FOXP2: variants seen among roughly 807,000 people sequenced by gnomAD.
The protein encoded by FOXP2 is forkhead box protein P2.
In FOXP2, 12 loss-of-function variants were observed where a neutral mutation model predicts 115.8. The ratio of observed to expected loss-of-function variants is 0.10; its 90% CI spans 0.07 to 0.17. FOXP2 has a LOEUF of 0.17. Among genes scored for constraint, FOXP2 ranks in the 10% least tolerant of loss-of-function variants. The pLI, the probability that FOXP2 is intolerant of heterozygous loss-of-function variation, is 1.00. For synonymous variants in FOXP2, 328 were observed against 297.7 expected (o/e 1.10, Z -1.05); for missense variants, 629 against 843.5 (o/e 0.75, Z 3.15).
intron 1 of FOXP2, among the ~76,000 whole-genome samples, chr7:114,217,019 G>A (rs2129162914): frequency 6.6e-6 from 1 of 152,184 alleles, no homozygotes; most frequent in African/African-American, 2.4e-5. Context: ...CATGATTATG[G>A]TTTGAGTGTT....
intron 1 of FOXP2, among the ~76,000 whole-genome samples, chr7:114,262,388 C>T (rs1280907739): frequency 6.6e-6 from 1 of 151,964 alleles, no homozygotes; most frequent in Non-Finnish European, 1.5e-5. Flanking sequence ...CACATCATTG[C>T]ACTCCAGCCT....
intron 14 of FOXP2, among the ~76,000 whole-genome samples, chr7:114,662,798 A>G (rs1469342626): frequency 1.3e-5 from 2 of 152,102 alleles, no homozygotes; most frequent in Non-Finnish European, 2.9e-5. Context: ...TTTATAGAGA[A>G]CAAGACTGCC....
At chr7:114,430,269 A>G (rs1470004880) in intron 2 of FOXP2, among the ~76,000 whole-genome samples, 1 of 151,810 alleles carries the variant, frequency 6.6e-6, no homozygotes, top group Non-Finnish European at 1.5e-5. Context: ...AAATGAATTT[A>G]CAAAGTATAA....
intron 10 of FOXP2, among the ~76,000 whole-genome samples, chr7:114,654,391 G>A (rs973281440): frequency 6.6e-6 from 1 of 152,072 alleles, no homozygotes; most frequent in Non-Finnish European, 1.5e-5. Context: ...TGCTGAAGAA[G>A]GCAGATCAAT....
chr7:114,480,963 T>C (rs2129237342), intron 2 of FOXP2, among the ~76,000 whole-genome samples: 1 of 151,352 alleles, frequency 6.6e-6, no homozygotes, highest in East Asian at 1.9e-4. Context: ...GGATAATGAA[T>C]GTGGTTTAAA....
At chr7:114,432,506 AG>A in intron 2 of FOXP2, among the ~76,000 whole-genome samples, 1 of 152,010 alleles carries the variant, frequency 6.6e-6, no homozygotes. Context: ...AGTACTGTTA[AG>A]GGTTTAAAAA....
chr7:114,318,710 C>CATATATATATAT (rs144291161), intron 2 of FOXP2, among the ~76,000 whole-genome samples: 2 of 147,372 alleles, frequency 1.4e-5, no homozygotes, highest in African/African-American at 5.0e-5. Flanking sequence ...TTAGATAATT[C>CATATATATATAT]ATATATATAT....
chr7:114,374,881 G>A (rs780242347), intron 2 of FOXP2, among the ~76,000 whole-genome samples: 6 of 152,154 alleles, frequency 3.9e-5, no homozygotes, highest in Non-Finnish European at 8.8e-5. Flanking sequence ...AGCAAGTGCT[G>A]TAGAAGTTCA....
At chr7:114,332,791 A>C (rs2129183181) in intron 2 of FOXP2, among the ~76,000 whole-genome samples, 1 of 152,286 alleles carries the variant, frequency 6.6e-6, no homozygotes, top group Middle Eastern at 3.4e-3. Context: ...ATCAGGAATA[A>C]GTTTAAAAGA....
intron 1 of FOXP2, among the ~76,000 whole-genome samples, chr7:114,233,767 C>A (rs1020876377): frequency 3.3e-5 from 5 of 152,190 alleles, no homozygotes; most frequent in Admixed American, 3.3e-4. Context: ...AATCCCAACA[C>A]TTTGGGTGGC....
chr7:114,491,343 C>T (rs1281389912), intron 2 of FOXP2, among the ~76,000 whole-genome samples: 28 of 151,674 alleles, frequency 1.8e-4, no homozygotes, highest in Admixed American at 4.6e-4. Context: ...ACCCACTTTT[C>T]GATGGGGTTG....
At chr7:114,628,492 A>G in intron 3 of FOXP2, 48 bp from the exon 4 acceptor site, 1 of 1,611,920 alleles carries the variant, frequency 6.2e-7, no homozygotes, top group Non-Finnish European at 8.5e-7. Context: ...ATTAACAGAT[A>G]TTTGGTTATG....
chr7:114,121,379 G>A (rs992939162), intron 1 of FOXP2, among the ~76,000 whole-genome samples: 1 of 152,080 alleles, frequency 6.6e-6, no homozygotes, highest in African/African-American at 2.4e-5. Context: ...TCAGCCACCA[G>A]TCTATGGTAC....
At chr7:114,494,406 A>G (rs775331140) in intron 2 of FOXP2, among the ~76,000 whole-genome samples, 7 of 152,212 alleles carry the variant, frequency 4.6e-5, no homozygotes, top group Middle Eastern at 3.4e-3. Context: ...CTGGCCTCCC[A>G]AATCCTAGGC....
At chr7:114,625,651 A>G (rs893496640) in intron 3 of FOXP2, among the ~76,000 whole-genome samples, 1 of 151,822 alleles carries the variant, frequency 6.6e-6, no homozygotes, top group Non-Finnish European at 1.5e-5. Context: ...GAGAAGAGGA[A>G]ATGTGTCGCT....
intron 2 of FOXP2, chr7:114,499,714 A>G (rs977899122): frequency 2.0e-5 from 3 of 152,180 alleles, no homozygotes; most frequent in Admixed American, 2.0e-4. Flanking sequence ...CTTTTTAAAT[A>G]AAAACACATT....
At chr7:114,639,244 T>C (rs781080940) in intron 6 of FOXP2, among the ~76,000 whole-genome samples, 4 of 152,200 alleles carry the variant, frequency 2.6e-5, no homozygotes, top group Non-Finnish European at 4.4e-5. Flanking sequence ...TGGTCTTGTA[T>C]TGTAGCAATA....
At chr7:114,547,935 T>C (rs1382063675) in intron 3 of FOXP2, among the ~76,000 whole-genome samples, 4 of 152,220 alleles carry the variant, frequency 2.6e-5, no homozygotes, top group African/African-American at 9.6e-5. Flanking sequence ...AAATTTACTA[T>C]GAAGTTTATT....
intron 16 of FOXP2, among the ~76,000 whole-genome samples, chr7:114,681,967 T>G (rs1445726516): frequency 6.6e-6 from 1 of 152,184 alleles, no homozygotes; most frequent in Non-Finnish European, 1.5e-5. Flanking sequence ...ATACCATACT[T>G]TCTTCCAAAA....
Sources: allele counts gnomAD v4.1 joint callset (sites outside exome capture counted in the v4.1 genomes callset), GRCh38; gene constraint gnomAD v4.1.1; transcripts MANE v1.5; gene names NCBI Gene and HGNC (gene_info 2026-07-23, HGNC 2026-07-21).